The following RAB38 variants were observed in gnomAD, a reference collection of about 807,000 sequenced individuals.
RAB38 encodes the protein ras-related protein Rab-38.
Under a neutral mutation model 18.4 loss-of-function variants are expected in RAB38, and 15 were observed. That is an observed-to-expected ratio of 0.82 (90% confidence interval 0.55 to 1.26). The LOEUF is 1.26. Ranked by LOEUF, RAB38 falls within the 50% of genes most tolerant of loss-of-function variation. The probability of loss-of-function intolerance (pLI) is 0.00; values close to 1 mark genes in which losing one functional copy is unlikely to be tolerated. For synonymous variants in RAB38, 101 were observed against 104.4 expected (o/e 0.97, Z 0.20); for missense variants, 294 against 267.4 (o/e 1.10, Z -0.69).
At chr11:87,953,569 T>A in the RAB38 span, among the ~76,000 whole-genome samples, 1 of 152,188 alleles carries the variant, frequency 6.6e-6, no homozygotes, top group African/African-American at 2.4e-5. Flanking sequence ...ATATAATTGT[T>A]TACATTATTA....
the RAB38 span, among the ~76,000 whole-genome samples, chr11:87,933,222 C>T: frequency 7.9e-5 from 12 of 152,142 alleles, no homozygotes; most frequent in Admixed American, 2.6e-4. Flanking sequence ...GATGCTACAA[C>T]ATGGCTTTAT....
the RAB38 span, among the ~76,000 whole-genome samples, chr11:88,050,846 G>T: frequency 2.0e-5 from 3 of 152,114 alleles, no homozygotes; most frequent in South Asian, 2.1e-4. Context: ...TAACAGGAAG[G>T]TTGAGGAAGA....
At chr11:88,118,979 T>A (rs927215661) in intron 2 of RAB38, among the ~76,000 whole-genome samples, 8 of 152,144 alleles carry the variant, frequency 5.3e-5, no homozygotes, top group African/African-American at 1.9e-4. Context: ...AGCAGAACAT[T>A]ATCTTAGCCA....
chr11:88,013,676 G>A, the RAB38 span, among the ~76,000 whole-genome samples: 1 of 152,092 alleles, frequency 6.6e-6, no homozygotes, highest in Non-Finnish European at 1.5e-5. Flanking sequence ...TGCTAGGACC[G>A]AGATGGATAA....
chr11:87,940,339 G>T, the RAB38 span, among the ~76,000 whole-genome samples: 9 of 152,018 alleles, frequency 5.9e-5, no homozygotes, highest in Non-Finnish European at 1.3e-4. Flanking sequence ...ATCTCTCTTT[G>T]CCCAGACACA....
chr11:87,909,777 T>C, the RAB38 span, among the ~76,000 whole-genome samples: 1 of 152,132 alleles, frequency 6.6e-6, no homozygotes, highest in African/African-American at 2.4e-5. Flanking sequence ...TCCTTACTTT[T>C]TGTTGCTAAG....
chr11:87,941,401 C>T, the RAB38 span, among the ~76,000 whole-genome samples: 2 of 151,238 alleles, frequency 1.3e-5, no homozygotes, highest in African/African-American at 4.9e-5. Flanking sequence ...GGAACATTTT[C>T]TTTTCTCCCC....
At chr11:88,173,074 G>A (rs1424759928) in intron 1 of RAB38, among the ~76,000 whole-genome samples, 3 of 152,178 alleles carry the variant, frequency 2.0e-5, no homozygotes, top group African/African-American at 4.8e-5. Context: ...CATGGCTAAC[G>A]AAGTGCTTTC....
At chr11:88,084,528 T>A in the RAB38 span, among the ~76,000 whole-genome samples, 5 of 150,942 alleles carry the variant, frequency 3.3e-5, no homozygotes, top group African/African-American at 4.8e-5. Context: ...TGAAGTGAGA[T>A]AAGGTAAAAT....
In RAB38 at chr11:88,122,616, C is replaced by T. The variant is rs74465793; in HGVS notation, c.484-8476G>A. Reference sequence around the variant, plus strand: ...ACATAATCTCATTTAACCCTTACTACACCCTGAGAGGTGGATAAACTATTA... The same window carrying T: ...ACATAATCTCATTTAACCCTTACTATACCCTGAGAGGTGGATAAACTATTA... On this transcript the variant is annotated intron_variant, in intron 2 of 2. Coordinates refer to ENST00000243662, the MANE Select transcript of RAB38 (RefSeq NM_022337.3). Among the ~76,000 whole-genome samples, 977 of 152,336 alleles carry T rather than the reference C, an allele frequency of 6.4e-3. 10 individuals carry two copies. The highest frequency in any genetic ancestry group is 0.022 in the African/African-American group (917 of 41,576).
chr11:88,033,963 G>A, the RAB38 span, among the ~76,000 whole-genome samples: 4 of 151,936 alleles, frequency 2.6e-5, no homozygotes, highest in Admixed American at 6.6e-5. Flanking sequence ...TCCTGACCTC[G>A]TGATCTGCCC....
the RAB38 span, among the ~76,000 whole-genome samples, chr11:87,943,178 A>T: frequency 6.6e-6 from 1 of 152,140 alleles, no homozygotes; most frequent in Non-Finnish European, 1.5e-5. Flanking sequence ...TATTTTGGAG[A>T]TGTCTCTAAA....
At chr11:87,893,390 A>ATATATATATATATATATATT in the RAB38 span, among the ~76,000 whole-genome samples, 192 of 93,884 alleles carry the variant, frequency 2.0e-3, 1 homozygote, top group African/African-American at 5.1e-3. Flanking sequence ...ATATATATAT[A>ATATATATATATATATATATT]TTTTTTTTTT....
chr11:87,871,876 A>G, the RAB38 span, among the ~76,000 whole-genome samples: 1 of 151,612 alleles, frequency 6.6e-6, no homozygotes, highest in East Asian at 1.9e-4. Context: ...CACTGAATGA[A>G]CATACCCCAT....
the RAB38 span, among the ~76,000 whole-genome samples, chr11:88,007,725 T>G: frequency 2.2e-4 from 34 of 152,112 alleles, no homozygotes; most frequent in African/African-American, 8.2e-4. Context: ...CCAACAAGCC[T>G]GAAATTCTAC....
chr11:87,865,318 A>G, the RAB38 span, among the ~76,000 whole-genome samples: 4 of 151,712 alleles, frequency 2.6e-5, no homozygotes, highest in Non-Finnish European at 5.9e-5. Flanking sequence ...CCAGGTAATC[A>G]CAAGGGTCTT....
chr11:87,933,841 T>C, the RAB38 span, among the ~76,000 whole-genome samples: 1 of 152,116 alleles, frequency 6.6e-6, no homozygotes, highest in East Asian at 1.9e-4. Context: ...TTCTCTGCCT[T>C]GTTGAGAAGT....
At chr11:87,950,019 G>T in the RAB38 span, among the ~76,000 whole-genome samples, 1 of 152,172 alleles carries the variant, frequency 6.6e-6, no homozygotes, top group Non-Finnish European at 1.5e-5. Context: ...TAATGTGTGG[G>T]AGTCTAAGTT....
chr11:87,824,380 CCTT>C, the RAB38 span, among the ~76,000 whole-genome samples: 1 of 152,062 alleles, frequency 6.6e-6, no homozygotes, highest in South Asian at 2.1e-4. Context: ...TATAAGGCCT[CCTT>C]CTAAATCTAA....
Sources: allele counts gnomAD v4.1 joint callset (sites outside exome capture counted in the v4.1 genomes callset), GRCh38; gene constraint gnomAD v4.1.1; transcripts MANE v1.5; gene names NCBI Gene and HGNC (gene_info 2026-07-23, HGNC 2026-07-21).